Variants in MAGI2 observed in about 807,000 individuals in gnomAD.
MAGI2 encodes membrane-associated guanylate kinase, WW and PDZ domain-containing protein 2.
Under a neutral mutation model 133.3 loss-of-function variants are expected in MAGI2, and 35 were observed. The ratio of observed to expected loss-of-function variants is 0.26; its 90% CI spans 0.20 to 0.35. MAGI2 has a LOEUF of 0.35. Ranked by LOEUF, MAGI2 falls within the 10% of genes least tolerant of loss-of-function variation. The probability of loss-of-function intolerance (pLI) is 1.00; values close to 1 mark genes in which losing one functional copy is unlikely to be tolerated. For missense variants in MAGI2, 1,636 were observed against 1,863.4 expected (o/e 0.88, Z 2.25); for synonymous variants, 729 against 710.6 (o/e 1.03, Z -0.41).
chr7:78,304,189 C>A (rs1798071615), intron 9 of MAGI2, among the ~76,000 whole-genome samples: 1 of 152,198 alleles, frequency 6.6e-6, no homozygotes, highest in Non-Finnish European at 1.5e-5. Flanking sequence ...GCCTTCCTTT[C>A]TGTTTCTGTT....
intron 6 of MAGI2, among the ~76,000 whole-genome samples, chr7:78,470,145 C>G (rs1471367137): frequency 6.6e-6 from 1 of 152,034 alleles, no homozygotes; most frequent in East Asian, 1.9e-4. Flanking sequence ...TTTTCACACC[C>G]AAGTCTCTAG....
intron 1 of MAGI2, among the ~76,000 whole-genome samples, chr7:79,168,885 G>GATAGATAT (rs1372791241): frequency 4.3e-5 from 6 of 138,840 alleles, no homozygotes; most frequent in African/African-American, 1.2e-4. Flanking sequence ...TCTTTCTAAA[G>GATAGATAT]ATAGATATAT....
intron 1 of MAGI2, 32 bp from the exon 2 acceptor site, chr7:79,007,238 T>A (rs751365758): frequency 3.9e-6 from 5 of 1,272,786 alleles, no homozygotes; most frequent in Non-Finnish European, 5.7e-6. Flanking sequence ...TGGTAAGGGA[T>A]GTTGGAAAAT....
At chr7:78,209,154 G>A (rs1465440859) in intron 10 of MAGI2, among the ~76,000 whole-genome samples, 4 of 67,272 alleles carry the variant, frequency 5.9e-5, no homozygotes, top group Non-Finnish European at 1.3e-4. Context: ...CCCGGGAGGC[G>A]GAGCTTGCAG....
intron 4 of MAGI2, among the ~76,000 whole-genome samples, chr7:78,508,012 T>C (rs566251551): frequency 5.9e-5 from 9 of 152,276 alleles, no homozygotes; most frequent in African/African-American, 1.7e-4. Flanking sequence ...TATGGAAGGA[T>C]CTATTTCAGG....
intron 1 of MAGI2, among the ~76,000 whole-genome samples, chr7:79,198,191 T>A (rs1828260419): frequency 6.6e-6 from 1 of 151,850 alleles, no homozygotes; most frequent in Non-Finnish European, 1.5e-5. Flanking sequence ...AAGTTGAGGG[T>A]GCAATGTGCC....
intron 7 of MAGI2, among the ~76,000 whole-genome samples, chr7:78,347,717 G>A (rs1265470569): frequency 6.6e-6 from 1 of 152,168 alleles, no homozygotes; most frequent in Non-Finnish European, 1.5e-5. Context: ...TGCCTTTGGT[G>A]CTGTTTAGGA....
chr7:79,204,378 G>A (rs1192356838), intron 1 of MAGI2, among the ~76,000 whole-genome samples: 2 of 152,036 alleles, frequency 1.3e-5, no homozygotes, highest in African/African-American at 4.8e-5. Flanking sequence ...CTTCTGGCCT[G>A]CGCTAGTGGT....
chr7:79,401,357 G>A (rs569728623), intron 1 of MAGI2, among the ~76,000 whole-genome samples: 4 of 152,284 alleles, frequency 2.6e-5, no homozygotes, highest in Admixed American at 1.3e-4. Flanking sequence ...ATAATTGGAA[G>A]GATATGCTGT....
chr7:78,330,028 C>T (rs1244196219), intron 9 of MAGI2, among the ~76,000 whole-genome samples: 1 of 152,058 alleles, frequency 6.6e-6, no homozygotes, highest in Non-Finnish European at 1.5e-5. Flanking sequence ...GGTGAACATC[C>T]TAAGAGTTCA....
intron 2 of MAGI2, among the ~76,000 whole-genome samples, chr7:78,830,401 T>C (rs1478949486): frequency 6.6e-6 from 1 of 152,162 alleles, no homozygotes; most frequent in Admixed American, 6.5e-5. Context: ...CCAGTCATGA[T>C]TCATTATGTA....
At chr7:78,557,323 C>T (rs1259970543) in intron 3 of MAGI2, among the ~76,000 whole-genome samples, 1 of 152,074 alleles carries the variant, frequency 6.6e-6, no homozygotes, top group African/African-American at 2.4e-5. Context: ...TTGGAAGCCC[C>T]CCAAAGGAGC....
chr7:78,035,802 A>G (rs985990285), intron 21 of MAGI2, among the ~76,000 whole-genome samples: 3 of 146,728 alleles, frequency 2.0e-5, no homozygotes, highest in African/African-American at 7.6e-5. Flanking sequence ...TTACTTCTTC[A>G]TGTGTTTACT....
intron 9 of MAGI2, among the ~76,000 whole-genome samples, chr7:78,339,251 T>C (rs971280214): frequency 5.9e-5 from 9 of 152,220 alleles, no homozygotes; most frequent in African/African-American, 2.2e-4. Flanking sequence ...CATAGAGGAC[T>C]AAATAGGAGA....
At chr7:78,618,740 C>T (rs1807376973) in intron 3 of MAGI2, 1 of 151,522 alleles carries the variant, frequency 6.6e-6, no homozygotes, top group Non-Finnish European at 1.5e-5. Context: ...ACCTAGAGGA[C>T]ATTATATTGA....
rs1478036652 is a variant in MAGI2, at chr7:79,453,562, G to A, written c.-242C>T. The A allele has an allele frequency of 2.4e-6, 3 of 1,241,290 alleles. No individual in the cohort carries two copies. The highest frequency in any genetic ancestry group is 3.0e-6 in the Non-Finnish European group (3 of 991,948). The allele number at this position is 1,241,290 out of a possible 1,614,324, so 76.9% of individuals were successfully genotyped here. ...GATGAGGTTGTGCTGTCCCTTGAAT[G>A]ACACTCAAGGCTGTGGCCCCGCAGC... On this transcript the variant is annotated 5_prime_UTR_variant, in exon 1 of 22. Transcript: ENST00000354212.
chr7:78,441,817 T>A (rs944198643), intron 6 of MAGI2, among the ~76,000 whole-genome samples: 7 of 152,150 alleles, frequency 4.6e-5, no homozygotes, highest in Admixed American at 3.3e-4. Context: ...TAATTAACAT[T>A]TCCGGTTAGA....
chr7:79,177,118 T>G (rs1440890163), intron 1 of MAGI2: 1 of 152,024 alleles, frequency 6.6e-6, no homozygotes. Flanking sequence ...CTTTCTCAGT[T>G]ATGGTAATTT....
At chr7:78,812,856 G>A (rs1286783747) in intron 2 of MAGI2, among the ~76,000 whole-genome samples, 1 of 152,176 alleles carries the variant, frequency 6.6e-6, no homozygotes, top group Non-Finnish European at 1.5e-5. Context: ...AACAAATCAT[G>A]CTAGAGAAAA....
Sources: allele counts gnomAD v4.1 joint callset (sites outside exome capture counted in the v4.1 genomes callset), GRCh38; gene constraint gnomAD v4.1.1; transcripts MANE v1.5; gene names NCBI Gene and HGNC (gene_info 2026-07-23, HGNC 2026-07-21).